JMJD1C: variants seen among roughly 807,000 people sequenced by gnomAD.
JMJD1C encodes jumonji domain-containing protein 1C.
A neutral mutation model predicts 245.3 loss-of-function variants in JMJD1C; 31 were observed. The observed-to-expected ratio is 0.13, with a 90% CI of 0.09 to 0.17. The LOEUF is 0.17. Among genes scored for constraint, JMJD1C ranks in the 10% least tolerant of loss-of-function variants. JMJD1C has a pLI of 1.00. For missense variants in JMJD1C, 2,691 were observed against 3,000.2 expected (o/e 0.90, Z 2.41); for synonymous variants, 1,057 against 1,017.4 (o/e 1.04, Z -0.74).
intron 20 of JMJD1C, among the ~76,000 whole-genome samples, chr10:63,185,259 T>C (rs1218881465): frequency 1.3e-5 from 2 of 152,220 alleles, no homozygotes; most frequent in East Asian, 1.9e-4. Context: ...GCCACGCAAG[T>C]AGCTGGGACT....
intron 1 of JMJD1C, among the ~76,000 whole-genome samples, chr10:63,440,178 T>C (rs1377477340): frequency 1.3e-5 from 2 of 151,838 alleles, no homozygotes; most frequent in Admixed American, 1.3e-4. Flanking sequence ...CCACTAAAAA[T>C]ACAAAAATTA....
chr10:63,193,443 T>C lies in JMJD1C; in HGVS notation c.5764A>G (p.Thr1922Ala), dbSNP rs939955592. The C allele has an allele frequency of 3.8e-6, 6 of 1,595,174 alleles. No homozygotes were observed. Among genetic ancestry groups the C allele is most frequent in the Admixed American group, 1.7e-5 (1 of 58,180 alleles). The change falls in exon 15 of 26, where the codon ACT (threonine) becomes GCT (alanine). Residue 1922 changes from threonine to alanine, a missense_variant. By Grantham distance (58) the Thr-to-Ala change is moderately conservative. Around this residue, in one of 9 missense-constraint regions of JMJD1C, gnomAD observed 275 missense variants for 285.5 expected, o/e 0.96. Coordinates refer to ENST00000399262, the MANE Select transcript of JMJD1C (RefSeq NM_032776.3). ...TTAATACCATATTTTTCCCTAAGAGTGTGCATGGCATCTAGAAGATCTGTC... is the reference window on the plus strand; with the variant it reads ...TTAATACCATATTTTTCCCTAAGAGCGTGCATGGCATCTAGAAGATCTGTC... The part of the protein sequence containing the change: ...VLTDLLDAMH[T>A]LREKYGIKSH...
In JMJD1C at chr10:63,491,802, G is replaced by C. The variant is rs368056915; in HGVS notation, n.113+29936C>G. On this transcript the variant is annotated intron_variant and non_coding_transcript_variant, in intron 1 of 3. Coordinates refer to the JMJD1C transcript ENST00000633035. ...CTCCTCACTCTTTCCAGACAAACAA[G>C]GCAACTTTCAGAGAGCTTTCTAAGC... Among the ~76,000 whole-genome samples, 48 of 152,290 alleles carry C rather than the reference G, an allele frequency of 3.2e-4. No homozygotes were observed. The East Asian group carries it at 5.0e-3, about 16-fold the overall frequency.
intron 1 of JMJD1C, among the ~76,000 whole-genome samples, chr10:63,460,424 T>C (rs1279033611): frequency 2.6e-5 from 4 of 152,082 alleles, no homozygotes; most frequent in Middle Eastern, 3.4e-3. Flanking sequence ...GGAGGTGAGG[T>C]GGGAGGATTG....
chr10:63,269,025 C>T, intron 2 of JMJD1C: 2 of 985,410 alleles, frequency 2.0e-6, no homozygotes, highest in Non-Finnish European at 2.4e-6. Flanking sequence ...ACTAAGAAAT[C>T]CTGCAGCTGA....
chr10:63,401,733 C>T (rs756515283), intron 1 of JMJD1C, among the ~76,000 whole-genome samples: 2 of 152,046 alleles, frequency 1.3e-5, no homozygotes, highest in South Asian at 2.1e-4. Flanking sequence ...CACTAAAATT[C>T]GTATGTGGAA....
At chr10:63,458,822 C>G (rs1952592739) in intron 1 of JMJD1C, among the ~76,000 whole-genome samples, 1 of 151,696 alleles carries the variant, frequency 6.6e-6, no homozygotes, top group Non-Finnish European at 1.5e-5. Flanking sequence ...CTCTCAGGCT[C>G]AAGCCATCCT....
chr10:63,333,167 T>A (rs1014112253), intron 2 of JMJD1C, among the ~76,000 whole-genome samples: 5 of 152,308 alleles, frequency 3.3e-5, no homozygotes, highest in African/African-American at 1.2e-4. Flanking sequence ...GAAAAACTGT[T>A]GACCTTTAAA....
intron 4 of JMJD1C, among the ~76,000 whole-genome samples, chr10:63,219,073 A>G (rs895444409): frequency 6.6e-6 from 1 of 152,156 alleles, no homozygotes; most frequent in African/African-American, 2.4e-5. Context: ...GAGGTGAATG[A>G]AAGTTCACTG....
At chr10:63,224,912 C>T (rs1457082846) in intron 3 of JMJD1C, among the ~76,000 whole-genome samples, 1 of 151,688 alleles carries the variant, frequency 6.6e-6, no homozygotes, top group South Asian at 2.1e-4. Context: ...AAATACAAAA[C>T]CTAGCTGGGT....
intron 2 of JMJD1C, among the ~76,000 whole-genome samples, chr10:63,330,324 CAA>C (rs1157055909): frequency 1.3e-5 from 2 of 152,058 alleles, no homozygotes; most frequent in African/African-American, 4.8e-5. Context: ...TAACATAAGT[CAA>C]AGAACATCTG....
rs993150261 is a variant in JMJD1C, at chr10:63,218,695, A to G, written c.553+1183T>C. Reference sequence around the variant, plus strand: ...TTAATCTTTTCTCCTCTAAGGATACAATGCAGAAACAAAATATTATTTTTT... The same window carrying G: ...TTAATCTTTTCTCCTCTAAGGATACGATGCAGAAACAAAATATTATTTTTT... On this transcript the variant is annotated intron_variant, in intron 4 of 25. Transcript: ENST00000399262. Among the ~76,000 whole-genome samples the G allele has an allele frequency of 2.6e-5, 4 of 152,208 alleles. 1 individual carries two copies. In the South Asian group the frequency reaches 6.2e-4, roughly 24 times the overall value.
At chr10:63,241,438 T>C (rs1396855880) in intron 3 of JMJD1C, among the ~76,000 whole-genome samples, 5 of 152,196 alleles carry the variant, frequency 3.3e-5, no homozygotes, top group Non-Finnish European at 1.5e-5. Context: ...TATAACTACA[T>C]AGGTTTAAAA....
chr10:63,235,038 A>C (rs1452866590), intron 3 of JMJD1C, among the ~76,000 whole-genome samples: 1 of 152,154 alleles, frequency 6.6e-6, no homozygotes, highest in East Asian at 1.9e-4. Context: ...CTAGGAAAAA[A>C]ACAGTAATAC....
chr10:63,191,392 C>T (rs1457043040), intron 16 of JMJD1C, among the ~76,000 whole-genome samples: 2 of 152,168 alleles, frequency 1.3e-5, no homozygotes, highest in African/African-American at 2.4e-5. Context: ...CCTTGGCCTC[C>T]CAAACTGCTG....
At chr10:63,290,882 A>G (rs1302303784) in intron 2 of JMJD1C, among the ~76,000 whole-genome samples, 1 of 152,164 alleles carries the variant, frequency 6.6e-6, no homozygotes, top group Non-Finnish European at 1.5e-5. Context: ...TGAAATCTTT[A>G]TTTTTTTAAG....
chr10:63,204,476 GGAAGGTACCTA>G, intron 10 of JMJD1C: 1 of 985,146 alleles, frequency 1.0e-6, no homozygotes, highest in Non-Finnish European at 1.2e-6. Context: ...ATTAAAACCT[GGAAGGTACCTA>G]TCTTTTGTTT....
chr10:63,517,786 C>CTTTTTT (rs11361305), intron 1 of JMJD1C, among the ~76,000 whole-genome samples: 3 of 72,552 alleles, frequency 4.1e-5, no homozygotes, highest in African/African-American at 6.0e-5. Flanking sequence ...CTAATGGCCA[C>CTTTTTT]TTTTTTTTTT....
At chr10:63,425,145 G>A (rs1338105262) in intron 1 of JMJD1C, among the ~76,000 whole-genome samples, 1 of 152,026 alleles carries the variant, frequency 6.6e-6, no homozygotes. Context: ...TGGAAAAGAT[G>A]GGAACCCTGA....
Sources: allele counts gnomAD v4.1 joint callset (sites outside exome capture counted in the v4.1 genomes callset), GRCh38; gene constraint gnomAD v4.1.1; regional missense constraint gnomAD v4.1.1; transcripts MANE v1.5; gene names NCBI Gene and HGNC (gene_info 2026-07-23, HGNC 2026-07-21).